ENAH: variants seen among roughly 807,000 people sequenced by gnomAD.
ENAH encodes ENAH actin regulator, also known as protein enabled homolog.
Under a neutral mutation model 78.7 loss-of-function variants are expected in ENAH, and 23 were observed. The observed-to-expected ratio is 0.29, with a 90% CI of 0.21 to 0.41. ENAH has a LOEUF of 0.41. ENAH is among the 10% of genes least tolerant of loss of function. The pLI, the probability that ENAH is intolerant of heterozygous loss-of-function variation, is 1.00. For missense variants in ENAH, 544 were observed against 691.0 expected, an observed-to-expected ratio of 0.79 and a Z score of 2.39; for synonymous variants, 226 against 241.0, an observed-to-expected ratio of 0.94 and a Z score of 0.58.
At chr1:225,532,093 T>C (rs1030441597) in intron 3 of ENAH, among the ~76,000 whole-genome samples, 1 of 151,866 alleles carries the variant, frequency 6.6e-6, no homozygotes, top group Non-Finnish European at 1.5e-5. Context: ...TAAATGAAAA[T>C]ACATGATTGC....
chr1:225,502,775 T>C (rs2096290817), intron 11 of ENAH, among the ~76,000 whole-genome samples: 1 of 152,208 alleles, frequency 6.6e-6, no homozygotes, highest in Non-Finnish European at 1.5e-5. Context: ...CTTAGATCCA[T>C]AAAATGCAGA....
Position 225,540,813 on chromosome 1 carries a change from A to C in ENAH, c.350-10175T>G, listed in dbSNP as rs574409554. Reference sequence around the variant, plus strand: ...TTTCACTATACACCACACTCACACAATTAAAATAAGAGCCAGTAACTAAAA... The same window carrying C: ...TTTCACTATACACCACACTCACACACTTAAAATAAGAGCCAGTAACTAAAA... On this transcript the variant is annotated intron_variant, in intron 3 of 13. Coordinates refer to ENST00000366843, the MANE Select transcript of ENAH (RefSeq NM_018212.6). Among the ~76,000 whole-genome samples, 3 of 152,302 alleles carry C rather than the reference A, an allele frequency of 2.0e-5. No homozygotes were observed. The South Asian group carries it at 6.2e-4, about 32-fold the overall frequency.
chr1:225,562,311 G>A (rs1306515944), intron 2 of ENAH, among the ~76,000 whole-genome samples: 13 of 151,768 alleles, frequency 8.6e-5, no homozygotes, highest in Admixed American at 2.0e-4. Context: ...AGTGGCTCAC[G>A]CCTGTAATCC....
Position 225,519,228 on chromosome 1 carries a change from A to G in ENAH, c.772T>C (p.Trp258Arg). ...QEQLEREQLE[W>R]ERERRISSAA... Reference sequence around the variant, plus strand: ...CTTGATATTCTGCGCTCTCTCTCCCATTCCAGCTGTTCCCTTTCTAACTGC... The same window carrying G: ...CTTGATATTCTGCGCTCTCTCTCCCGTTCCAGCTGTTCCCTTTCTAACTGC... Residue 258 changes from tryptophan (W) to arginine (R), a missense_variant, in exon 5 of 14, where the codon TGG (tryptophan) becomes CGG (arginine). Trp to Arg is a moderately radical substitution (Grantham distance 101). This residue lies in a region of ENAH where 366 missense variants were observed against 396.1 expected (regional missense o/e 0.92). Coordinates refer to ENST00000366843, the MANE Select transcript of ENAH (RefSeq NM_018212.6). 6.2e-7 allele frequency: 1 copy of G among 1,614,182 alleles called. No homozygotes were observed. The highest frequency in any genetic ancestry group is 8.5e-7 in the Non-Finnish European group (1 of 1,180,014).
chr1:225,519,376 TTCCTGCCGCTCCAGGC>T lies in ENAH; in HGVS notation c.608_623del (p.Arg203HisfsTer44). 2 of 1,609,862 alleles carry T rather than the reference TTCCTGCCGCTCCAGGC, an allele frequency of 1.2e-6. No individual in the cohort carries two copies. Among genetic ancestry groups the T allele is most frequent in the Non-Finnish European group, 1.7e-6 (2 of 1,178,562 alleles). On this transcript the variant is annotated frameshift_variant, in exon 5 of 14. Coordinates refer to ENST00000366843, the MANE Select transcript of ENAH (RefSeq NM_018212.6). LOFTEE classifies it high-confidence loss of function. ...CCAGGCGTTCCTGCCGCTCCAGGCG[TTCCTGCCGCTCCAGGC>T]GTTCCTGCCGTTCCCGTTCTTGTCT...
At chr1:225,651,425 T>C (rs1367459622) in intron 1 of ENAH, among the ~76,000 whole-genome samples, 3 of 152,116 alleles carry the variant, frequency 2.0e-5, no homozygotes, top group Non-Finnish European at 4.4e-5. Context: ...AAGTTTAAAA[T>C]GGAAACTACC....
intron 1 of ENAH, among the ~76,000 whole-genome samples, chr1:225,631,034 A>C (rs1472805575): frequency 6.6e-6 from 1 of 152,224 alleles, no homozygotes; most frequent in African/African-American, 2.4e-5. Flanking sequence ...TACAAATAGC[A>C]ACAAAATTTT....
chr1:225,535,527 T>C, intron 3 of ENAH: 1 of 1,303,644 alleles, frequency 7.7e-7, no homozygotes, highest in Non-Finnish European at 1.0e-6. Context: ...ACATCGCAAA[T>C]TAGTGCTGTC....
intron 6 of ENAH, chr1:225,515,113 G>A (rs552167387): frequency 3.7e-6 from 2 of 540,604 alleles, no homozygotes; most frequent in South Asian, 5.3e-5. Flanking sequence ...CTTTAGGTTA[G>A]AGCTTTAGTA....
intron 2 of ENAH, among the ~76,000 whole-genome samples, chr1:225,556,930 G>A (rs984605843): frequency 6.6e-6 from 1 of 152,154 alleles, no homozygotes. Context: ...CACTATCACT[G>A]TGCTGCAGGT....
intron 1 of ENAH, among the ~76,000 whole-genome samples, chr1:225,637,594 G>C (rs1054889725): frequency 1.3e-5 from 2 of 152,168 alleles, no homozygotes; most frequent in African/African-American, 4.8e-5. Flanking sequence ...GATCTAGGGG[G>C]AGAACTTAGT....
At chr1:225,517,742 C>T (rs573607506) in intron 5 of ENAH, 59 of 1,551,070 alleles carry the variant, frequency 3.8e-5, no homozygotes, top group Non-Finnish European at 4.7e-5. Flanking sequence ...GGAACTGTAG[C>T]GTAATGGGGA....
At chr1:225,579,130 A>C (rs1177152431) in intron 1 of ENAH, among the ~76,000 whole-genome samples, 1 of 152,226 alleles carries the variant, frequency 6.6e-6, no homozygotes, top group African/African-American at 2.4e-5. Flanking sequence ...TTGACTAAAG[A>C]CATACTGTAG....
chr1:225,652,425 A>C, intron 1 of ENAH: 1 of 985,216 alleles, frequency 1.0e-6, no homozygotes, highest in Non-Finnish European at 1.2e-6. Flanking sequence ...AAATTTAGGA[A>C]GGGAAATCCT....
intron 1 of ENAH, among the ~76,000 whole-genome samples, chr1:225,615,728 G>A (rs1340143399): frequency 3.4e-5 from 5 of 145,616 alleles, no homozygotes; most frequent in East Asian, 2.1e-4. Context: ...GTCTCTGCCC[G>A]ACCGCCACCC....
At position 225,606,210 on chromosome 1, in the gene ENAH, C is replaced by T. The variant is rs533327588; in HGVS notation, c.6-38796G>A. 1.4e-4 allele frequency among the ~76,000 whole-genome samples: 22 copies of T among 152,060 alleles called. No homozygotes were observed. In the Middle Eastern group the frequency reaches 0.01, roughly 71 times the overall value. On this transcript the variant is annotated intron_variant, in intron 1 of 13. Coordinates refer to ENST00000366843, the MANE Select transcript of ENAH (RefSeq NM_018212.6). ...GGTGCAGTGGCTCATGCCTGTAATC[C>T]CAGCACTTTGGAAGGCCGAGGCAGG...
In ENAH at chr1:225,638,028, A is replaced by G. The variant is rs1660368992; in HGVS notation, c.5+14658T>C. ...ACAATACAAAGAAAACAATAAACAG[A>G]ATATGCCCAATCCATAAAAACTCTA... On this transcript the variant is annotated intron_variant, in intron 1 of 13. Coordinates refer to ENST00000366843, the MANE Select transcript of ENAH (RefSeq NM_018212.6). Among the ~76,000 whole-genome samples the G allele has an allele frequency of 2.0e-5, 3 of 152,236 alleles. No homozygotes were observed. In the East Asian group the frequency reaches 5.8e-4, roughly 29 times the overall value.
At chr1:225,540,296 A>G (rs1183500736) in intron 3 of ENAH, among the ~76,000 whole-genome samples, 1 of 152,224 alleles carries the variant, frequency 6.6e-6, no homozygotes, top group African/African-American at 2.4e-5. Flanking sequence ...GATACCTCAC[A>G]TCATTTTAAG....
At chr1:225,598,538 G>A (rs1201840317) in intron 1 of ENAH, among the ~76,000 whole-genome samples, 1 of 92,244 alleles carries the variant, frequency 1.1e-5, no homozygotes, top group Non-Finnish European at 3.0e-5. Flanking sequence ...TAACATTACT[G>A]AGTTTTTTTT....
Sources: allele counts gnomAD v4.1 joint callset (sites outside exome capture counted in the v4.1 genomes callset), GRCh38; gene constraint gnomAD v4.1.1; regional missense constraint gnomAD v4.1.1; transcripts MANE v1.5; gene names NCBI Gene and HGNC (gene_info 2026-07-23, HGNC 2026-07-21).